The following PRDM5 variants were observed in gnomAD, a reference collection of about 807,000 sequenced individuals.
PRDM5 encodes the protein PR/SET domain 5, also known as PR domain zinc finger protein 5.
In PRDM5, 56 loss-of-function variants were observed where a neutral mutation model predicts 81.2. That is an observed-to-expected ratio of 0.69 (90% CI 0.56 to 0.86). The LOEUF (loss-of-function observed/expected upper bound fraction) is 0.86. Among genes scored for constraint, PRDM5 ranks in the 40% least tolerant of loss-of-function variants. The pLI is 0.00. For missense variants in PRDM5, 697 were observed against 770.1 expected (o/e 0.91, Z 1.12); for synonymous variants, 267 against 256.4 (o/e 1.04, Z -0.39).
At chr4:120,795,455 G>T (rs984545533) in intron 10 of PRDM5, among the ~76,000 whole-genome samples, 6 of 152,032 alleles carry the variant, frequency 3.9e-5, no homozygotes, top group Non-Finnish European at 8.8e-5. Context: ...AGATAAATGA[G>T]ATTTTTTAGC....
intron 10 of PRDM5, among the ~76,000 whole-genome samples, chr4:120,794,606 A>C (rs1405899080): frequency 6.9e-6 from 1 of 145,484 alleles, no homozygotes; most frequent in African/African-American, 2.5e-5. Context: ...ATGACCCTTT[A>C]CTCTATATTT....
At chr4:120,882,623 C>A (rs916853506) in intron 2 of PRDM5, among the ~76,000 whole-genome samples, 2 of 152,100 alleles carry the variant, frequency 1.3e-5, no homozygotes, top group East Asian at 1.9e-4. Flanking sequence ...TACATAAATA[C>A]CATGTATATA....
intron 14 of PRDM5, among the ~76,000 whole-genome samples, chr4:120,722,383 C>T (rs1738753490): frequency 6.6e-6 from 1 of 152,000 alleles, no homozygotes; most frequent in Admixed American, 6.6e-5. Context: ...ACCTGAGCCT[C>T]TTCCCTAGTC....
At chr4:120,848,311 T>C (rs1175853591) in intron 3 of PRDM5, among the ~76,000 whole-genome samples, 3 of 152,148 alleles carry the variant, frequency 2.0e-5, no homozygotes, top group African/African-American at 7.2e-5. Flanking sequence ...TTCAGAAACA[T>C]GAAAGATTTT....
chr4:120,779,443 A>G lies in PRDM5; in HGVS notation c.1443+1700T>C, dbSNP rs73847105. 8.7e-3 allele frequency among the ~76,000 whole-genome samples: 1,327 copies of G among 152,280 alleles called. 22 individuals carry two copies. Among genetic ancestry groups the G allele is most frequent in the African/African-American group, 0.03 (1,255 of 41,570 alleles). ...TTTATTTATTGAAAGTCAACAAAAA[A>G]TGTGTTAAATTCATGCAAAAAGTAA... On this transcript the variant is annotated intron_variant, in intron 12 of 15. Transcript: ENST00000264808.
At chr4:120,887,568 C>T (rs1458422812) in intron 2 of PRDM5, among the ~76,000 whole-genome samples, 2 of 152,196 alleles carry the variant, frequency 1.3e-5, no homozygotes, top group African/African-American at 4.8e-5. Flanking sequence ...AGAATTGCCT[C>T]TCTAATCCTA....
At chr4:120,808,197 C>T (rs1281495699) in intron 8 of PRDM5, among the ~76,000 whole-genome samples, 4 of 152,124 alleles carry the variant, frequency 2.6e-5, no homozygotes, top group African/African-American at 9.7e-5. Context: ...CTTATCTGGC[C>T]CTACCCACAT....
intron 13 of PRDM5, among the ~76,000 whole-genome samples, chr4:120,775,841 T>C (rs1455512911): frequency 6.6e-6 from 1 of 152,158 alleles, no homozygotes; most frequent in African/African-American, 2.4e-5. Flanking sequence ...CAGCCACAAA[T>C]ACACATAAAA....
At chr4:120,762,220 T>A (rs1745724415) in intron 13 of PRDM5, among the ~76,000 whole-genome samples, 1 of 152,148 alleles carries the variant, frequency 6.6e-6, no homozygotes, top group Non-Finnish European at 1.5e-5. Context: ...AAAGTCAAAC[T>A]CATTTATTTT....
At chr4:120,909,884 G>T (rs951787242) in intron 1 of PRDM5, among the ~76,000 whole-genome samples, 6 of 151,990 alleles carry the variant, frequency 3.9e-5, no homozygotes, top group African/African-American at 1.2e-4. Context: ...ATAAATAGTG[G>T]TTTTTAGCTT....
chr4:120,781,281 A>T lies in PRDM5; in HGVS notation c.1305T>A (p.His435Gln). The T allele has an allele frequency of 1.2e-6, 2 of 1,613,192 alleles. No individual in the cohort carries two copies. The highest frequency in any genetic ancestry group is 1.7e-6 in the Non-Finnish European group (2 of 1,179,418). ...TCCTCTTAAAGGTAGCATCGCAGTG[A>T]TGGCACTTGAAAGTCCTCTCACCTT... ...IHNSERTFKC[H>Q]HCDATFKRKD... The change falls in exon 12 of 16, where the codon CAT becomes CAA. Residue 435 changes from histidine (H) to glutamine (Q), a missense_variant. His to Gln is a conservative substitution (Grantham distance 24, BLOSUM62 0). Transcript: ENST00000264808.
At chr4:120,724,666 A>G (rs1739130578) in intron 14 of PRDM5, among the ~76,000 whole-genome samples, 1 of 152,226 alleles carries the variant, frequency 6.6e-6, no homozygotes, top group African/African-American at 2.4e-5. Flanking sequence ...GGTGTGCAGG[A>G]GAAAGGAATT....
At chr4:120,845,203 T>C (rs1277254799) in intron 3 of PRDM5, among the ~76,000 whole-genome samples, 1 of 152,208 alleles carries the variant, frequency 6.6e-6, no homozygotes, top group Non-Finnish European at 1.5e-5. Flanking sequence ...CTATCTAAGA[T>C]ATTAATAATT....
chr4:120,745,086 A>T (rs1418016043), intron 14 of PRDM5, among the ~76,000 whole-genome samples: 1 of 138,786 alleles, frequency 7.2e-6, no homozygotes, highest in Non-Finnish European at 1.6e-5. Flanking sequence ...ATCCACCATG[A>T]TCAAGTGGGC....
rs552311408 is a variant in PRDM5 at position 120,881,365 on chromosome 4, T to C, written c.177+26109A>G. ...ATTCCTTGTCTTCTATTCCTTTTAA[T>C]AGTTCCACAAATTGGCAATAAGTAA... is the stretch of plus-strand genomic sequence containing the variant. On this transcript the variant is annotated intron_variant, in intron 2 of 15. Coordinates refer to ENST00000264808, the MANE Select transcript of PRDM5 (RefSeq NM_018699.4). Among the ~76,000 whole-genome samples, 5 of 152,344 alleles carry C rather than the reference T, an allele frequency of 3.3e-5. No individual in the cohort carries two copies. In the South Asian group the frequency reaches 1.0e-3, roughly 32 times the overall value.
At chr4:120,716,436 C>G (rs1225126893) in intron 14 of PRDM5, among the ~76,000 whole-genome samples, 1 of 152,078 alleles carries the variant, frequency 6.6e-6, no homozygotes, top group Non-Finnish European at 1.5e-5. Context: ...CATTTAAAGC[C>G]AGGGAGTCTT....
chr4:120,820,611 C>T (rs1375830449), intron 4 of PRDM5, among the ~76,000 whole-genome samples: 3 of 152,172 alleles, frequency 2.0e-5, no homozygotes, highest in Non-Finnish European at 2.9e-5. Flanking sequence ...TTTTTGGTAA[C>T]CACACTAGGG....
rs772961021 is a variant in PRDM5, at chr4:120,816,365, C to G, written c.865+88G>C. On this transcript the variant is annotated intron_variant, in intron 7 of 15. Coordinates refer to ENST00000264808, the MANE Select transcript of PRDM5 (RefSeq NM_018699.4). The stretch of plus-strand genomic sequence containing the variant: ...GTGAAACACAATGGAAAAGCCAGCT[C>G]TCTCCTCAAGAGCGAGAATTAAAAA... The G allele has an allele frequency of 6.2e-6, 10 of 1,605,482 alleles. No individual in the cohort carries two copies. The East Asian group carries it at 2.2e-4, about 36-fold the overall frequency.
intron 14 of PRDM5, among the ~76,000 whole-genome samples, chr4:120,744,419 A>G (rs1456935256): frequency 1.3e-5 from 2 of 152,172 alleles, no homozygotes; most frequent in Admixed American, 1.3e-4. Flanking sequence ...GAGGCAACAA[A>G]TAACTAAAAT....
Sources: allele counts gnomAD v4.1 joint callset (sites outside exome capture counted in the v4.1 genomes callset), GRCh38; gene constraint gnomAD v4.1.1; transcripts MANE v1.5; gene names NCBI Gene and HGNC (gene_info 2026-07-23, HGNC 2026-07-21).